The following DDX55 variants were observed in gnomAD, a reference collection of about 807,000 sequenced individuals.
The protein encoded by DDX55 is DEAD-box helicase 55.
In DDX55, 56 loss-of-function variants were observed where a neutral mutation model predicts 69.2. That is an observed-to-expected ratio of 0.81 (90% CI 0.65 to 1.01). The LOEUF is 1.01. Ranked by LOEUF, DDX55 falls within the 50% of genes least tolerant of loss-of-function variation. The probability of loss-of-function intolerance (pLI) is 0.00; values close to 1 mark genes in which losing one functional copy is unlikely to be tolerated. For synonymous variants in DDX55, 268 were observed against 273.1 expected (o/e 0.98, Z 0.18); for missense variants, 720 against 745.1 (o/e 0.97, Z 0.39).
chr12:123,604,264 C>T (rs940415739), intron 1 of DDX55, among the ~76,000 whole-genome samples: 1 of 151,638 alleles, frequency 6.6e-6, no homozygotes, highest in Non-Finnish European at 1.5e-5. Context: ...AAATAATGGC[C>T]GGGCACGGTG....
chr12:123,610,162 A>T (rs1310425791), intron 7 of DDX55, 34 bp downstream of exon 7: 2 of 1,596,136 alleles, frequency 1.3e-6, no homozygotes, highest in African/African-American at 2.7e-5. Flanking sequence ...ACTCAGCGAT[A>T]ATGACCAGTG....
chr12:123,610,683 C>G (rs555570519), intron 7 of DDX55, among the ~76,000 whole-genome samples: 21 of 143,626 alleles, frequency 1.5e-4, no homozygotes, highest in African/African-American at 5.6e-4. Flanking sequence ...GCGATCTCAG[C>G]TCACTGCAAG....
chr12:123,619,767 A>C (rs771362514), intron 13 of DDX55, 43 bp downstream of exon 13: 1 of 1,537,362 alleles, frequency 6.5e-7, no homozygotes, highest in Non-Finnish European at 8.7e-7. Context: ...ATCTTGAACA[A>C]ATTTATTGTA....
At chr12:123,613,113 C>A in intron 7 of DDX55, 57 bp from the exon 8 acceptor site, 2 of 1,558,372 alleles carry the variant, frequency 1.3e-6, no homozygotes, top group Non-Finnish European at 1.8e-6. Flanking sequence ...TGAAAATAGC[C>A]ATGGGGATTA....
In DDX55 at chr12:123,604,749, G is replaced by C. The variant is rs1593667070; in HGVS notation, c.109-1182G>C. Reference sequence around the variant, plus strand: ...AAGGGACAATATTTTTGATATATTGGGTTAAATAAAATATTAAAATTTATT... The same window carrying C: ...AAGGGACAATATTTTTGATATATTGCGTTAAATAAAATATTAAAATTTATT... On this transcript the variant is annotated intron_variant, in intron 1 of 13. Coordinates refer to ENST00000238146, the MANE Select transcript of DDX55 (RefSeq NM_020936.3). The C allele has an allele frequency of 2.0e-5, 3 of 151,794 alleles. No individual in the cohort carries two copies. In the East Asian group the frequency reaches 5.8e-4, roughly 29 times the overall value. 9.4% of individuals were successfully genotyped at this position (151,794 alleles called of 1,614,324 possible).
In DDX55 at chr12:123,603,052, C is replaced by T. The variant is rs114861825; in HGVS notation, c.108+796C>T. ...ATAGTTTGAGCAGCAGAAAGGAGGCCTTTGTGGCTGAACATCAAGAGTAGT... is the reference window on the plus strand; with the variant it reads ...ATAGTTTGAGCAGCAGAAAGGAGGCTTTTGTGGCTGAACATCAAGAGTAGT... On this transcript the variant is annotated intron_variant, in intron 1 of 13. Transcript: ENST00000238146. Among the ~76,000 whole-genome samples the T allele has an allele frequency of 2.2e-3, 337 of 152,256 alleles. 3 individuals are homozygous for T. The highest frequency in any genetic ancestry group is 7.8e-3 in the African/African-American group (324 of 41,548).
At position 123,609,370 on chromosome 12, in the gene DDX55, G is replaced by GTT. The variant is rs1220679978; in HGVS notation, c.552-548_552-547dup. ...GATCTTAAAATGCACTTTCCTTCAA[G>GTT]TTTTTTTTTTTTTTTTTTTTTTGAG... is the stretch of plus-strand genomic sequence containing the variant. On this transcript the variant is annotated intron_variant, in intron 6 of 13. Transcript: ENST00000238146. Among the ~76,000 whole-genome samples the GTT allele has an allele frequency of 3.7e-3, 460 of 124,602 alleles. 3 individuals are homozygous for GTT. The highest frequency in any genetic ancestry group is 8.8e-3 in the Middle Eastern group (2 of 226). 81.7% of individuals were successfully genotyped at this position (124,602 alleles called of 152,430 possible).
At chr12:123,603,572 A>G (rs950465481) in intron 1 of DDX55, among the ~76,000 whole-genome samples, 1 of 151,770 alleles carries the variant, frequency 6.6e-6, no homozygotes, top group Non-Finnish European at 1.5e-5. Flanking sequence ...TTGTATTTTT[A>G]GTAGATACGG....
chr12:123,620,581 T>C lies in DDX55; in HGVS notation c.*441T>C, dbSNP rs1275689527. 4 of 8,944 alleles carry C rather than the reference T, an allele frequency of 4.5e-4. No individual in the cohort carries two copies. Among genetic ancestry groups the C allele is most frequent in the Non-Finnish European group, 7.7e-4 (2 of 2,598 alleles). The allele number at this position is 8,944 out of a possible 1,614,324, so 0.6% of individuals were successfully genotyped here. ...GTCACATATAGACATATGTACATAT[T>C]ATATATATATATATATATATATATA... On this transcript the variant is annotated 3_prime_UTR_variant, in exon 14 of 14. Coordinates refer to ENST00000238146, the MANE Select transcript of DDX55 (RefSeq NM_020936.3).
intron 10 of DDX55, 41 bp from the exon 11 acceptor site, chr12:123,617,717 G>T: frequency 6.4e-7 from 1 of 1,558,216 alleles, no homozygotes; most frequent in South Asian, 1.2e-5. Flanking sequence ...CTGTTCAGCT[G>T]TCATCACCTG....
At chr12:123,612,756 A>G (rs906908707) in intron 7 of DDX55, among the ~76,000 whole-genome samples, 30 of 151,128 alleles carry the variant, frequency 2.0e-4, no homozygotes, top group Non-Finnish European at 4.1e-4. Flanking sequence ...TTGAGGTGGG[A>G]GGATCGCCGG....
rs1955069674 is a variant in DDX55 at position 123,620,617 on chromosome 12, TATATATATATAA to T, written c.*478_*489del. ...ATATATATATATATATATATATATA[TATATATATATAA>T]GCTCTTTTTTCTGAGGCTATTTTAT... On this transcript the variant is annotated 3_prime_UTR_variant, in exon 14 of 14. Coordinates refer to ENST00000238146, the MANE Select transcript of DDX55 (RefSeq NM_020936.3). 1 of 122,808 alleles carries T rather than the reference TATATATATATAA, an allele frequency of 8.1e-6. No homozygotes were observed. The highest frequency in any genetic ancestry group is 8.0e-5 in the Admixed American group (1 of 12,552). 7.6% of individuals were successfully genotyped at this position (122,808 alleles called of 1,614,324 possible).
In DDX55 at chr12:123,608,672, T is replaced by C. The variant is rs749416474; in HGVS notation, c.402-8T>C. On this transcript the variant is annotated splice_region_variant and splice_polypyrimidine_tract_variant and intron_variant, in intron 5 of 13. Transcript: ENST00000238146. ...AGAGTTTGGTAAATGTTAACTTTCT[T>C]TCCAAAGTGGGAACATCATTGTGGC... The C allele has an allele frequency of 1.9e-6, 3 of 1,611,430 alleles. No homozygotes were observed. Among genetic ancestry groups the C allele is most frequent in the African/African-American group, 1.3e-5 (1 of 74,930 alleles).
chr12:123,619,544 C>G lies in DDX55; in HGVS notation c.1446C>G (p.Asp482Glu). Residue 482 changes from aspartate (D) to glutamate (E), a missense_variant, in exon 13 of 14, where the codon GAC becomes GAG. Coordinates refer to ENST00000238146, the MANE Select transcript of DDX55 (RefSeq NM_020936.3). The stretch of plus-strand genomic sequence containing the variant: ...TTGTGCCCGTGGACGTTAATACCGA[C>G]ACGATTCCATTTAAAGATAAAATCA... ...PDFVPVDVNT[D>E]TIPFKDKIRE... 6.2e-7 allele frequency: 1 copy of G among 1,613,896 alleles called. No individual in the cohort carries two copies. Among genetic ancestry groups the G allele is most frequent in the Non-Finnish European group, 8.5e-7 (1 of 1,179,998 alleles).
intron 7 of DDX55, among the ~76,000 whole-genome samples, chr12:123,612,222 A>G (rs567967890): frequency 2.4e-4 from 37 of 152,200 alleles, no homozygotes; most frequent in Non-Finnish European, 4.0e-4. Context: ...GAAAAAATTC[A>G]AAAGCCAAAA....
chr12:123,613,020 G>C, intron 7 of DDX55, 150 bp from the exon 8 acceptor site: 1 of 717,226 alleles, frequency 1.4e-6, no homozygotes. Context: ...TTTATTCTGA[G>C]CTAGGTAGAC....
At chr12:123,608,085 T>G (rs1954000191) in intron 5 of DDX55, 1 of 222,676 alleles carries the variant, frequency 4.5e-6, no homozygotes, top group Admixed American at 5.2e-5. Flanking sequence ...TGGCGTGTAA[T>G]CCACATTTGA....
intron 1 of DDX55, among the ~76,000 whole-genome samples, chr12:123,604,124 GAGCTGGGTAC>G (rs1953744677): frequency 6.6e-6 from 1 of 152,104 alleles, no homozygotes; most frequent in Non-Finnish European, 1.5e-5. Flanking sequence ...TTTAAACACT[GAGCTGGGTAC>G]AGTGGCACCC....
intron 8 of DDX55, 60 bp from the exon 9 acceptor site, chr12:123,615,125 C>T (rs1413039746): frequency 1.2e-6 from 2 of 1,605,816 alleles, no homozygotes; most frequent in Non-Finnish European, 1.7e-6. Context: ...CTGTTCCCCT[C>T]TCCCGGTTGT....
Sources: gnomAD v4.1 joint callset for allele counts (sites outside exome capture counted in the v4.1 genomes callset) on GRCh38, gnomAD v4.1.1 for gene constraint, MANE v1.5 for transcripts, NCBI Gene and HGNC (gene_info 2026-07-23, HGNC 2026-07-21) for gene names.